The following C2CD2 variants were observed in gnomAD, a reference collection of about 807,000 sequenced individuals.
C2CD2 encodes the protein C2 calcium dependent domain containing 2.
In C2CD2, 43 loss-of-function variants were observed where a neutral mutation model predicts 74.3. The ratio of observed to expected loss-of-function variants is 0.58; its 90% confidence interval spans 0.45 to 0.75. The LOEUF (loss-of-function observed/expected upper bound fraction) is 0.75, where lower values mean the gene tolerates loss of function less well. Among genes scored for constraint, C2CD2 ranks in the 30% least tolerant of loss-of-function variants. The probability of loss-of-function intolerance (pLI) is 0.00; values close to 1 mark genes in which losing one functional copy is unlikely to be tolerated. For synonymous variants in C2CD2, 422 were observed against 390.7 expected (o/e 1.08, Z -0.94); for missense variants, 801 against 916.3 (o/e 0.87, Z 1.63).
chr21:41,918,736 G>T, intron 4 of C2CD2, 120 bp downstream of exon 4: 1 of 758,170 alleles, frequency 1.3e-6, no homozygotes, highest in Non-Finnish European at 2.2e-6. Flanking sequence ...CAGGAGGAGT[G>T]GCTGGGACAG....
In C2CD2 at chr21:41,892,895, A is replaced by G. The variant is rs1254528852; in HGVS notation, c.1871-3551T>C. Reference sequence around the variant, plus strand: ...CAGACCACAGGGCTGTGTGGGTAGAAGCTGACGCAGCCCACCCGCAGGGCC... The same window carrying G: ...CAGACCACAGGGCTGTGTGGGTAGAGGCTGACGCAGCCCACCCGCAGGGCC... On this transcript the variant is annotated intron_variant, in intron 13 of 13. Transcript: ENST00000380486. The surrounding 1 kb of genome is among the most constrained non-coding windows in gnomAD (Gnocchi z 4.6). Among the ~76,000 whole-genome samples, 2 of 152,376 alleles carry G rather than the reference A, an allele frequency of 1.3e-5. No individual in the cohort carries two copies. Among genetic ancestry groups the G allele is most frequent in the East Asian group, 3.9e-4 (2 of 5,182 alleles).
chr21:41,893,765 T>A (rs926210554), intron 13 of C2CD2, among the ~76,000 whole-genome samples: 2 of 148,774 alleles, frequency 1.3e-5, no homozygotes, highest in Non-Finnish European at 3.0e-5. Context: ...GCAGTGGTGC[T>A]ATCTCAGCTC....
At position 41,947,791 on chromosome 21, in the gene C2CD2, GCA is replaced by G. The variant is rs72086833; in HGVS notation, c.280-5548_280-5547del. Among the ~76,000 whole-genome samples, 117 of 152,258 alleles carry G rather than the reference GCA, an allele frequency of 7.7e-4. 1 individual carries two copies. Among genetic ancestry groups the G allele is most frequent in the African/African-American group, 2.8e-3 (116 of 41,550 alleles). On this transcript the variant is annotated intron_variant, in intron 1 of 13. Coordinates refer to ENST00000380486, the MANE Select transcript of C2CD2 (RefSeq NM_015500.2). ...TCCAGTTTTCCCTTCTGCAGATGAT[GCA>G]CAGAGACTCTCCCAGGATCGCACAG...
chr21:41,936,784 A>G (rs571829266), intron 2 of C2CD2, among the ~76,000 whole-genome samples: 24 of 150,310 alleles, frequency 1.6e-4, no homozygotes, highest in Non-Finnish European at 2.2e-4. Flanking sequence ...AATGGTAAAT[A>G]GATTTTTTTC....
In C2CD2 at chr21:41,917,300, G is replaced by T. The variant is rs2065103627; in HGVS notation, c.720+805C>A. On this transcript the variant is annotated intron_variant, in intron 5 of 13. Coordinates refer to ENST00000380486, the MANE Select transcript of C2CD2 (RefSeq NM_015500.2). ...AAGGACAGACATCACACAGGAATTT[G>T]TATTTTCAAACTGACTTCACCAAGA... is the stretch of plus-strand genomic sequence containing the variant. Among the ~76,000 whole-genome samples, 4 of 152,276 alleles carry T rather than the reference G, an allele frequency of 2.6e-5. No homozygotes were observed. The South Asian group carries it at 8.3e-4, about 32-fold the overall frequency.
chr21:41,897,552 G>A (rs778787686), intron 13 of C2CD2, among the ~76,000 whole-genome samples: 28 of 152,166 alleles, frequency 1.8e-4, no homozygotes, highest in Admixed American at 3.3e-4. Context: ...GCTCTGTGGA[G>A]GGGGGTCCAT....
Position 41,922,034 on chromosome 21 carries a change from T to C in C2CD2, c.430A>G (p.Thr144Ala), listed in dbSNP as rs2065159851. The stretch of plus-strand genomic sequence containing the variant: ...CGGCATCCAGCACCCAAGGCAGGCG[T>C]CTCGCTGACCAAGAACTGAATAGCC... Reference protein sequence around the residue: ...GQAIQFLVSETPALGAGCRLY... With the variant: ...GQAIQFLVSEAPALGAGCRLY... Residue 144 changes from threonine (T) to alanine (A), a missense_variant, in exon 3 of 14, where the codon ACG becomes GCG. Transcript: ENST00000380486. The C allele has an allele frequency of 1.2e-6, 2 of 1,614,092 alleles. No individual in the cohort carries two copies. The highest frequency in any genetic ancestry group is 4.5e-5 in the East Asian group (2 of 44,884).
Position 41,945,168 on chromosome 21 carries a change from A to G in C2CD2, c.280-2923T>C, listed in dbSNP as rs949288695. On this transcript the variant is annotated intron_variant, in intron 1 of 13. Transcript: ENST00000380486. This position sits in a 1 kb window ranked among gnomAD's most constrained non-coding sequence, Gnocchi z 4.2. ...TTACTCTTGGAGAAGGGAGTTAAGA[A>G]TAAGAAAGTGAAAAAACTAAAATGA... Among the ~76,000 whole-genome samples the G allele has an allele frequency of 6.6e-6, 1 of 152,260 alleles. No homozygotes were observed. The highest frequency in any genetic ancestry group is 1.5e-5 in the Non-Finnish European group (1 of 68,050).
chr21:41,948,902 T>TTTTTTTA (rs2065427065), intron 1 of C2CD2, among the ~76,000 whole-genome samples: 2 of 143,330 alleles, frequency 1.4e-5, no homozygotes, highest in Non-Finnish European at 1.5e-5. Flanking sequence ...TCTTTTTTTT[T>TTTTTTTA]ACAAAGACCA....
intron 1 of C2CD2, among the ~76,000 whole-genome samples, chr21:41,943,975 T>A (rs1401959269): frequency 1.3e-5 from 2 of 152,218 alleles, no homozygotes; most frequent in African/African-American, 4.8e-5. Flanking sequence ...GAGACGGTTC[T>A]GTGCACCAGG....
intron 7 of C2CD2, among the ~76,000 whole-genome samples, chr21:41,911,404 T>A (rs1187854488): frequency 6.7e-6 from 1 of 150,264 alleles, no homozygotes; most frequent in Non-Finnish European, 1.5e-5. Context: ...TTTTTTTTTT[T>A]TTTGAGATGG....
chr21:41,902,451 T>C (rs2064910734), intron 11 of C2CD2, among the ~76,000 whole-genome samples: 2 of 152,212 alleles, frequency 1.3e-5, no homozygotes, highest in Admixed American at 1.3e-4. Context: ...CCACACCCCA[T>C]GAGCAGGTCC....
At chr21:41,948,840 TTAA>T (rs1237541916) in intron 1 of C2CD2, among the ~76,000 whole-genome samples, 2 of 148,008 alleles carry the variant, frequency 1.4e-5, no homozygotes, top group Non-Finnish European at 3.0e-5. Flanking sequence ...GTCAGTGCTA[TTAA>T]TAATATGTTC....
At chr21:41,934,889 G>GT (rs1337539858) in intron 2 of C2CD2, among the ~76,000 whole-genome samples, 1 of 151,260 alleles carries the variant, frequency 6.6e-6, no homozygotes, top group African/African-American at 2.4e-5. Flanking sequence ...TTGTCTGTTT[G>GT]TTTGTTTTTT....
At position 41,903,017 on chromosome 21, in the gene C2CD2, G is replaced by A. The variant is rs934349685; in HGVS notation, c.1433-1268C>T. On this transcript the variant is annotated intron_variant, in intron 11 of 13. Transcript: ENST00000380486. The surrounding 1 kb of genome is among the most constrained non-coding windows in gnomAD (Gnocchi z 4.5). ...CTCAAATCACCAAAGGCCAATAAGT[G>A]AATCAATCATGCCTACATACCTACT... Among the ~76,000 whole-genome samples the A allele has an allele frequency of 1.3e-5, 2 of 152,100 alleles. No homozygotes were observed. Among genetic ancestry groups the A allele is most frequent in the African/African-American group, 4.8e-5 (2 of 41,434 alleles).
In C2CD2 at chr21:41,895,348, A is replaced by G. The variant is rs958065262; in HGVS notation, c.1870+3705T>C. 2.6e-5 allele frequency among the ~76,000 whole-genome samples: 4 copies of G among 152,168 alleles called. No homozygotes were observed. The highest frequency in any genetic ancestry group is 9.7e-5 in the African/African-American group (4 of 41,442). ...ACTGATGGTCTGGATCAAGCAGATC[A>G]TCTGCTTGACTTTGAGCCCGCAGAA... On this transcript the variant is annotated intron_variant, in intron 13 of 13. Coordinates refer to ENST00000380486, the MANE Select transcript of C2CD2 (RefSeq NM_015500.2). The surrounding 1 kb of genome is among the most constrained non-coding windows in gnomAD (Gnocchi z 5.0).
chr21:41,947,315 G>A (rs1421145133), intron 1 of C2CD2, among the ~76,000 whole-genome samples: 11 of 151,880 alleles, frequency 7.2e-5, no homozygotes, highest in South Asian at 4.2e-4. Flanking sequence ...GCACCACCAC[G>A]CCCAGCTAAT....
intron 2 of C2CD2, among the ~76,000 whole-genome samples, chr21:41,941,553 C>T (rs2065354491): frequency 6.6e-6 from 1 of 152,170 alleles, no homozygotes; most frequent in South Asian, 2.1e-4. Flanking sequence ...CTAGATATAT[C>T]ATAAATATAT....
In C2CD2 at chr21:41,929,304, C is replaced by T. The variant is rs1465972267; in HGVS notation, c.379-7219G>A. Among the ~76,000 whole-genome samples the T allele has an allele frequency of 1.3e-5, 2 of 152,176 alleles. No individual in the cohort carries two copies. The highest frequency in any genetic ancestry group is 2.9e-5 in the Non-Finnish European group (2 of 68,028). On this transcript the variant is annotated intron_variant, in intron 2 of 13. Coordinates refer to ENST00000380486, the MANE Select transcript of C2CD2 (RefSeq NM_015500.2). The surrounding 1 kb of genome is among the most constrained non-coding windows in gnomAD (Gnocchi z 4.6). ...GTACAGTGGGATGATGCTTCTGACA[C>T]AGGAGCATGGTGAGCTCTCATGAGA... is the stretch of plus-strand genomic sequence containing the variant.
Sources: gnomAD v4.1 joint callset for allele counts (sites outside exome capture counted in the v4.1 genomes callset) on GRCh38, gnomAD v4.1.1 for gene constraint, Gnocchi (gnomAD v3.1) non-coding constraint, MANE v1.5 for transcripts, NCBI Gene and HGNC (gene_info 2026-07-23, HGNC 2026-07-21) for gene names.